The following GATC variants were observed in gnomAD, a reference collection of about 807,000 sequenced individuals.
GATC encodes the protein glutamyl-tRNA amidotransferase subunit C, also known as glutamyl-tRNA(Gln) amidotransferase subunit C, mitochondrial.
A neutral mutation model predicts 14.4 loss-of-function variants in GATC; 11 were observed. The ratio of observed to expected loss-of-function variants is 0.77; its 90% confidence interval spans 0.48 to 1.27. The LOEUF is 1.27. Among genes scored for constraint, GATC ranks in the 50% most tolerant of loss-of-function variants. The pLI is 0.00. For missense variants in GATC, 204 were observed against 183.0 expected (o/e 1.11, Z -0.66); for synonymous variants, 76 against 79.3 (o/e 0.96, Z 0.22).
Position 120,446,716 on chromosome 12 carries a change from C to G in GATC, c.141C>G (p.Asp47Glu). The G allele has an allele frequency of 6.2e-7, 1 of 1,613,834 alleles. No individual in the cohort carries two copies. The highest frequency in any genetic ancestry group is 8.5e-7 in the Non-Finnish European group (1 of 1,180,020). ...IEHLERLALV[D>E]FGSREAVARL... is the part of the protein sequence containing the mutation. ...ACCTGGAGCGTCTAGCGCTTGTGGA[C>G]TTCGGCAGCCGCGAGGCAGTGGCGC... Residue 47 changes from aspartate (D) to glutamate (E), a missense_variant, in exon 2 of 4, where the codon GAC (aspartate) becomes GAG (glutamate). Asp to Glu is a conservative substitution (Grantham distance 45). Transcript: ENST00000551765.
At chr12:120,450,707 C>A (rs7134710) in intron 2 of GATC, 25,078 of 152,754 alleles carry the variant, frequency 0.16, 2,740 homozygotes, top group African/African-American at 0.31. Context: ...AAGCCCACTC[C>A]ATGGATACAC....
intron 3 of GATC, among the ~76,000 whole-genome samples, chr12:120,457,874 A>T (rs1878229927): frequency 6.6e-6 from 1 of 151,950 alleles, no homozygotes; most frequent in Non-Finnish European, 1.5e-5. Context: ...CCCAAAACGA[A>T]TCTTATTGTG....
chr12:120,462,329 A>G lies in GATC; in HGVS notation c.*2370A>G. On this transcript the variant is annotated 3_prime_UTR_variant, in exon 4 of 4. Transcript: ENST00000551765. Reference sequence around the variant, plus strand: ...ACCTTCATAACATTATGAGGTAGGTACTCTTACTATCCCATTTCAAGAATG... The same window carrying G: ...ACCTTCATAACATTATGAGGTAGGTGCTCTTACTATCCCATTTCAAGAATG... The G allele has an allele frequency of 1.7e-6, 1 of 594,132 alleles. No individual in the cohort carries two copies. The highest frequency in any genetic ancestry group is 2.7e-6 in the Non-Finnish European group (1 of 365,868). 36.8% of individuals were successfully genotyped at this position (594,132 alleles called of 1,614,324 possible).
rs1759378608 is a variant in GATC, at chr12:120,457,153, TGGA to T, written c.337_339del (p.Glu113del). On this transcript the variant is annotated inframe_deletion, in exon 3 of 4. Coordinates refer to ENST00000551765, the MANE Select transcript of GATC (RefSeq NM_176818.3). ...TTACTACAAAACTCCCATCGCGTCGTGGAGGAGTACTTTGTGGCCCCCCCAGGT... is the reference window on the plus strand; with the variant it reads ...TTACTACAAAACTCCCATCGCGTCGTGGAGTACTTTGTGGCCCCCCCAGGT... 2 of 1,613,820 alleles carry T rather than the reference TGGA, an allele frequency of 1.2e-6. No individual in the cohort carries two copies. The highest frequency in any genetic ancestry group is 1.7e-5 in the Admixed American group (1 of 59,972).
intron 2 of GATC, 34 bp downstream of exon 2, chr12:120,446,863 C>A (rs1182672630): frequency 6.4e-7 from 1 of 1,556,430 alleles, no homozygotes. Flanking sequence ...AAGCCTTGAC[C>A]GTGGCCCGTT....
Position 120,461,532 on chromosome 12 carries a change from G to A in GATC, c.*1573G>A, listed in dbSNP as rs1004212552. On this transcript the variant is annotated 3_prime_UTR_variant, in exon 4 of 4. Transcript: ENST00000551765. ...TTCTCAAACCAACATCAGAGCAACTGTCTATCCCCATATAAATAAAGTTAT... is the reference window on the plus strand; with the variant it reads ...TTCTCAAACCAACATCAGAGCAACTATCTATCCCCATATAAATAAAGTTAT... 1 of 152,234 alleles carries A rather than the reference G, an allele frequency of 6.6e-6. No homozygotes were observed. Among genetic ancestry groups the A allele is most frequent in the African/African-American group, 2.4e-5 (1 of 41,392 alleles). The allele number at this position is 152,234 out of a possible 1,614,324, so 9.4% of individuals were successfully genotyped here. A position where few individuals can be genotyped will look rare whatever the true frequency, so the allele number is the denominator to read the frequency against.
At chr12:120,449,558 T>C (rs1418504015) in intron 2 of GATC, among the ~76,000 whole-genome samples, 1 of 152,150 alleles carries the variant, frequency 6.6e-6, no homozygotes, top group Non-Finnish European at 1.5e-5. Flanking sequence ...TGAGATTCTC[T>C]TGCCTCAGCT....
In GATC at chr12:120,463,164, GA is replaced by G. The variant is rs1443402093; in HGVS notation, c.*3206del. The stretch of plus-strand genomic sequence containing the variant: ...TTTCTGGTCTCAATGGTACCAAAGG[GA>G]TAGTCACCACCTCAATCAAACTGAG... On this transcript the variant is annotated 3_prime_UTR_variant, in exon 4 of 4. Transcript: ENST00000551765. The G allele has an allele frequency of 6.6e-6, 1 of 152,132 alleles. No individual in the cohort carries two copies. Among genetic ancestry groups the G allele is most frequent in the Non-Finnish European group, 1.5e-5 (1 of 68,038 alleles). 9.4% of individuals were successfully genotyped at this position (152,132 alleles called of 1,614,324 possible). A position where few individuals can be genotyped will look rare whatever the true frequency, so the allele number is the denominator to read the frequency against.
At chr12:120,453,526 G>GT (rs1237499534) in intron 2 of GATC, among the ~76,000 whole-genome samples, 2 of 152,168 alleles carry the variant, frequency 1.3e-5, no homozygotes, top group African/African-American at 2.4e-5. Flanking sequence ...GGAAAGACAG[G>GT]TGGTGAGGTA....
chr12:120,462,523 C>A lies in GATC; in HGVS notation c.*2564C>A. On this transcript the variant is annotated 3_prime_UTR_variant, in exon 4 of 4. Coordinates refer to ENST00000551765, the MANE Select transcript of GATC (RefSeq NM_176818.3). ...GATCTCAGGGGTCATATAGTTTAAT[C>A]CCCTGCCACCTCATGTATGCATCTT... The A allele has an allele frequency of 5.8e-6, 1 of 173,210 alleles. No homozygotes were observed. Among genetic ancestry groups the A allele is most frequent in the African/African-American group, 2.4e-5 (1 of 41,914 alleles). 10.7% of individuals were successfully genotyped at this position (173,210 alleles called of 1,614,324 possible).
At chr12:120,448,571 C>A (rs1042660381) in intron 2 of GATC, among the ~76,000 whole-genome samples, 3 of 151,188 alleles carry the variant, frequency 2.0e-5, no homozygotes, top group Non-Finnish European at 4.4e-5. Flanking sequence ...TCAAGTGATC[C>A]GCCCATCTTC....
chr12:120,446,743 A>C lies in GATC; in HGVS notation c.168A>C (p.Arg56=). 1 of 1,614,104 alleles carries C rather than the reference A, an allele frequency of 6.2e-7. No homozygotes were observed. Among genetic ancestry groups the C allele is most frequent in the South Asian group, 1.1e-5 (1 of 91,086 alleles). ...TCGGCAGCCGCGAGGCAGTGGCGCG[A>C]CTGGAGAAAGCTATCGCCTTCGCCG... ...VDFGSREAVA[R]LEKAIAFADR... is the part of the protein sequence containing the mutation. Residue 56 remains arginine (R), a synonymous_variant, in exon 2 of 4, where the codon CGA becomes CGC. Coordinates refer to ENST00000551765, the MANE Select transcript of GATC (RefSeq NM_176818.3).
chr12:120,453,830 AAACAACAACAACAAC>A (rs145076050), intron 2 of GATC, among the ~76,000 whole-genome samples: 1 of 150,576 alleles, frequency 6.6e-6, no homozygotes, highest in East Asian at 2.0e-4. Context: ...AAAAAAAGTA[AAACAACAACAACAAC>A]AACAACAACA....
At position 120,460,074 on chromosome 12, in the gene GATC, C is replaced by A; in HGVS notation, c.*115C>A. 1 of 734,334 alleles carries A rather than the reference C, an allele frequency of 1.4e-6. No individual in the cohort carries two copies. Among genetic ancestry groups the A allele is most frequent in the Non-Finnish European group, 2.3e-6 (1 of 432,216 alleles). 45.5% of individuals were successfully genotyped at this position (734,334 alleles called of 1,614,324 possible). ...TTTCAGTCCCCTGAAAAAATGGATGCTCAAGCATTTCTTAATAACAGATTC... is the reference window on the plus strand; with the variant it reads ...TTTCAGTCCCCTGAAAAAATGGATGATCAAGCATTTCTTAATAACAGATTC... On this transcript the variant is annotated 3_prime_UTR_variant, in exon 4 of 4. Transcript: ENST00000551765.
chr12:120,450,139 G>C (rs566533466), intron 2 of GATC, among the ~76,000 whole-genome samples: 47 of 152,282 alleles, frequency 3.1e-4, no homozygotes, highest in African/African-American at 1.1e-3. Context: ...AAGTTATCTA[G>C]AGGGTAAATA....
At position 120,446,699 on chromosome 12, in the gene GATC, C is replaced by T. The variant is rs1445831675; in HGVS notation, c.124C>T (p.Arg42Cys). 6.2e-7 allele frequency: 1 copy of T among 1,613,682 alleles called. No homozygotes were observed. Among genetic ancestry groups the T allele is most frequent in the East Asian group, 2.2e-5 (1 of 44,884 alleles). Reference protein sequence around the residue: ...ITAAVIEHLERLALVDFGSRE... With the variant: ...ITAAVIEHLECLALVDFGSRE... ...GGCTGCGGTGATCGAGCACCTGGAG[C>T]GTCTAGCGCTTGTGGACTTCGGCAG... Residue 42 changes from arginine (R) to cysteine (C), a missense_variant, in exon 2 of 4, where the codon CGT becomes TGT. Arg to Cys is a radical substitution (Grantham distance 180). Coordinates refer to ENST00000551765, the MANE Select transcript of GATC (RefSeq NM_176818.3).
Position 120,446,667 on chromosome 12 carries a change from G to A in GATC, c.92G>A (p.Arg31Gln), listed in dbSNP as rs1359945548. The A allele has an allele frequency of 6.2e-7, 1 of 1,611,616 alleles. No individual in the cohort carries two copies. Among genetic ancestry groups the A allele is most frequent in the Admixed American group, 1.7e-5 (1 of 59,882 alleles). The change falls in exon 2 of 4, where the codon CGG becomes CAG. Residue 31 changes from arginine (R) to glutamine (Q), a missense_variant. Coordinates refer to ENST00000551765, the MANE Select transcript of GATC (RefSeq NM_176818.3). ...TCATCCCTCCTCCAGGGCAGTGGCC[G>A]GATCACGGCTGCGGTGATCGAGCAC... Reference protein sequence around the residue: ...TSKADPQGSGRITAAVIEHLE... With the variant: ...TSKADPQGSGQITAAVIEHLE...
At position 120,446,751 on chromosome 12, in the gene GATC, A is replaced by C; in HGVS notation, c.176A>C (p.Lys59Thr). 1 of 1,614,058 alleles carries C rather than the reference A, an allele frequency of 6.2e-7. No homozygotes were observed. Among genetic ancestry groups the C allele is most frequent in the Non-Finnish European group, 8.5e-7 (1 of 1,180,022 alleles). Reference sequence around the variant, plus strand: ...CGCGAGGCAGTGGCGCGACTGGAGAAAGCTATCGCCTTCGCCGACCGGCTA... The same window carrying C: ...CGCGAGGCAGTGGCGCGACTGGAGACAGCTATCGCCTTCGCCGACCGGCTA... Reference protein sequence around the residue: ...GSREAVARLEKAIAFADRLRA... With the variant: ...GSREAVARLETAIAFADRLRA... Residue 59 changes from lysine (K) to threonine (T), a missense_variant, in exon 2 of 4, where the codon AAA becomes ACA. By Grantham distance (78) the Lys-to-Thr change is moderately conservative. Transcript: ENST00000551765.
rs754837236 is a variant in GATC at position 120,446,710 on chromosome 12, T to C, written c.135T>C (p.Leu45=). ...AVIEHLERLA[L]VDFGSREAVA... ...TCGAGCACCTGGAGCGTCTAGCGCT[T>C]GTGGACTTCGGCAGCCGCGAGGCAG... Residue 45 remains leucine (L), a synonymous_variant, in exon 2 of 4, where the codon CTT becomes CTC. Transcript: ENST00000551765. The C allele has an allele frequency of 1.2e-6, 2 of 1,613,898 alleles. No individual in the cohort carries two copies.
Sources: gnomAD v4.1 joint callset for allele counts (sites outside exome capture counted in the v4.1 genomes callset) on GRCh38, gnomAD v4.1.1 for gene constraint, MANE v1.5 for transcripts, NCBI Gene and HGNC (gene_info 2026-07-23, HGNC 2026-07-21) for gene names.